Variants in FAM167A observed in about 807,000 individuals in gnomAD.
FAM167A encodes protein FAM167A.
FAM167A carries 23 observed loss-of-function variants against 14.9 expected under a neutral mutation model. That is an observed-to-expected ratio of 1.55 (90% CI 1.11 to 2.19). FAM167A has a LOEUF of 2.19. Ranked by LOEUF, FAM167A falls within the 30% of genes most tolerant of loss-of-function variation. The pLI is 0.00. For missense variants in FAM167A, 401 were observed against 281.5 expected (o/e 1.42, Z -3.04); for synonymous variants, 174 against 117.7 (o/e 1.48, Z -3.10).
chr8:11,431,705 G>A (rs968717773), intron 2 of FAM167A, among the ~76,000 whole-genome samples: 19 of 151,890 alleles, frequency 1.3e-4, no homozygotes, highest in Non-Finnish European at 1.6e-4. Flanking sequence ...TGCAGCAAGC[G>A]TGGCCGCAGG....
At chr8:11,473,003 G>T (rs548942576) in intron 1 of FAM167A, among the ~76,000 whole-genome samples, 1 of 152,328 alleles carries the variant, frequency 6.6e-6, no homozygotes, top group African/African-American at 2.4e-5. Context: ...GCCAGCCCAG[G>T]ATGTTCAGGA....
intron 1 of FAM167A, among the ~76,000 whole-genome samples, chr8:11,473,207 C>T (rs1349878295): frequency 1.3e-5 from 2 of 152,204 alleles, no homozygotes; most frequent in African/African-American, 2.4e-5. Context: ...CACAGGGGCT[C>T]ATTTCATCTC....
intron 1 of FAM167A, among the ~76,000 whole-genome samples, chr8:11,452,420 C>A (rs1807063771): frequency 6.6e-6 from 1 of 152,216 alleles, no homozygotes; most frequent in South Asian, 2.1e-4. Context: ...GTCTGGTGAG[C>A]TGTGCTCTTT....
chr8:11,446,564 G>A (rs1015907603), intron 1 of FAM167A: 3 of 152,182 alleles, frequency 2.0e-5, no homozygotes, highest in Admixed American at 6.5e-5. Flanking sequence ...CACTAGAGTT[G>A]GGATCAGATG....
intron 2 of FAM167A, among the ~76,000 whole-genome samples, chr8:11,424,959 A>T (rs1805032904): frequency 1.3e-5 from 2 of 152,124 alleles, no homozygotes; most frequent in Non-Finnish European, 2.9e-5. Context: ...TAAGAGTATA[A>T]AGGAAAACAT....
intron 1 of FAM167A, among the ~76,000 whole-genome samples, chr8:11,466,259 G>A (rs1240577285): frequency 6.6e-6 from 1 of 152,218 alleles, no homozygotes; most frequent in African/African-American, 2.4e-5. Flanking sequence ...GCTGGGCTTG[G>A]AGGTCACCAG....
Position 11,444,685 on chromosome 8 carries a change from C to T in FAM167A, c.-274G>A, listed in dbSNP as rs553480535. 40 of 1,223,622 alleles carry T rather than the reference C, an allele frequency of 3.3e-5. No homozygotes were observed. The highest frequency in any genetic ancestry group is 6.2e-5 in the African/African-American group (4 of 64,014). The allele number at this position is 1,223,622 out of a possible 1,614,324, so 75.8% of individuals were successfully genotyped here. A position where few individuals can be genotyped will look rare whatever the true frequency, so the allele number is the denominator to read the frequency against. On this transcript the variant is annotated 5_prime_UTR_variant, in exon 2 of 3. Coordinates refer to ENST00000284486, the MANE Select transcript of FAM167A (RefSeq NM_053279.3). ...CTCCACAGAAGGCAGGAACAGACAG[C>T]GTCGCAGGAATCTCGGGGCAGCCTG...
Position 11,424,049 on chromosome 8 carries a change from C to T in FAM167A, c.*324G>A. 1 of 283,694 alleles carries T rather than the reference C, an allele frequency of 3.5e-6. No individual in the cohort carries two copies. The highest frequency in any genetic ancestry group is 6.9e-5 in the East Asian group (1 of 14,498). The allele number at this position is 283,694 out of a possible 1,614,324, so 17.6% of individuals were successfully genotyped here. A position where few individuals can be genotyped will look rare whatever the true frequency, so the allele number is the denominator to read the frequency against. ...CTTTGGGAATCCCAGTTCATAGCAC[C>T]AGTGATTCCAGGAAACAGGAACGTG... On this transcript the variant is annotated 3_prime_UTR_variant, in exon 3 of 3. Coordinates refer to ENST00000284486, the MANE Select transcript of FAM167A (RefSeq NM_053279.3).
intron 1 of FAM167A, among the ~76,000 whole-genome samples, chr8:11,451,336 C>A (rs1807019444): frequency 6.6e-6 from 1 of 152,260 alleles, no homozygotes; most frequent in Admixed American, 6.5e-5. Flanking sequence ...TGGGAAGCCA[C>A]CCGCCCTGCC....
intron 2 of FAM167A, among the ~76,000 whole-genome samples, chr8:11,427,328 CTG>C (rs1805243502): frequency 6.6e-6 from 1 of 152,228 alleles, no homozygotes; most frequent in Non-Finnish European, 1.5e-5. Context: ...TACATAGGGA[CTG>C]GCTTAGTGCA....
rs940764337 is a variant in FAM167A at position 11,422,541 on chromosome 8, T to C, written c.*1832A>G. ...ATGGTCCTCAGGCCTGCAGACTTCATTGCACAGAGCATGGCAGACAGTAGA... is the reference window on the plus strand; with the variant it reads ...ATGGTCCTCAGGCCTGCAGACTTCACTGCACAGAGCATGGCAGACAGTAGA... On this transcript the variant is annotated 3_prime_UTR_variant, in exon 3 of 3. Transcript: ENST00000284486. The C allele has an allele frequency of 6.5e-6, 1 of 152,676 alleles. No individual in the cohort carries two copies. Among genetic ancestry groups the C allele is most frequent in the Non-Finnish European group, 1.5e-5 (1 of 68,054 alleles). 9.5% of individuals were successfully genotyped at this position (152,676 alleles called of 1,614,324 possible). A position where few individuals can be genotyped will look rare whatever the true frequency, so the allele number is the denominator to read the frequency against.
chr8:11,446,875 G>A (rs752943467), intron 1 of FAM167A, among the ~76,000 whole-genome samples: 1 of 152,228 alleles, frequency 6.6e-6, no homozygotes, highest in Non-Finnish European at 1.5e-5. Context: ...CATGTCTGGG[G>A]CAGCTGCACC....
At chr8:11,445,369 C>G in intron 1 of FAM167A, 1 of 986,136 alleles carries the variant, frequency 1.0e-6, no homozygotes, top group Non-Finnish European at 1.2e-6. Context: ...GTTTCTACAT[C>G]CAGGTCTTAC....
At chr8:11,429,858 C>G (rs1805453799) in intron 2 of FAM167A, among the ~76,000 whole-genome samples, 1 of 152,232 alleles carries the variant, frequency 6.6e-6, no homozygotes, top group African/African-American at 2.4e-5. Context: ...GAGATAAGGC[C>G]TCTTCTCATC....
intron 1 of FAM167A, among the ~76,000 whole-genome samples, chr8:11,463,295 G>A (rs1248324189): frequency 6.6e-6 from 1 of 152,216 alleles, no homozygotes; most frequent in African/African-American, 2.4e-5. Context: ...GCCTGGCATG[G>A]GACTTCCAGG....
rs146992974 is a variant in FAM167A at position 11,447,183 on chromosome 8, C to CTTTTCTTTTT, written c.-397-2376_-397-2375insAAAAAGAAAA. Among the ~76,000 whole-genome samples the CTTTTCTTTTT allele has an allele frequency of 4.6e-4, 67 of 147,020 alleles. 8 individuals are homozygous for CTTTTCTTTTT. Among genetic ancestry groups the CTTTTCTTTTT allele is most frequent in the East Asian group, 8.0e-4 (4 of 4,990 alleles). On this transcript the variant is annotated intron_variant, in intron 1 of 2. Transcript: ENST00000284486. ...TTTATTTCAATTATTGGTTTCTTTT[C>CTTTTCTTTTT]TTTTTCTTTTTTTTGAGACGGAGTT...
At chr8:11,437,933 C>T (rs112803918) in intron 2 of FAM167A, 15 of 244,658 alleles carry the variant, frequency 6.1e-5, no homozygotes, top group East Asian at 2.5e-4. Context: ...CCACTCAGCA[C>T]GGCCCTCAGC....
intron 2 of FAM167A, among the ~76,000 whole-genome samples, chr8:11,437,267 T>C (rs779972014): frequency 5.3e-5 from 8 of 152,160 alleles, no homozygotes; most frequent in South Asian, 4.1e-4. Context: ...ATCTGTGAAA[T>C]GGGGATAGTA....
chr8:11,460,429 A>G lies in FAM167A; in HGVS notation c.-398+6197T>C, dbSNP rs554711338. ...CCTGACACATGCAGAGTCAGCCCAC[A>G]GCAGCAGGTAGTGGGACCACCATGT... On this transcript the variant is annotated intron_variant, in intron 1 of 2. Coordinates refer to ENST00000284486, the MANE Select transcript of FAM167A (RefSeq NM_053279.3). Among the ~76,000 whole-genome samples the G allele has an allele frequency of 1.6e-3, 240 of 152,272 alleles. 2 individuals are homozygous for G. The highest frequency in any genetic ancestry group is 5.5e-3 in the African/African-American group (230 of 41,560).
Sources: allele counts gnomAD v4.1 joint callset (sites outside exome capture counted in the v4.1 genomes callset), GRCh38; gene constraint gnomAD v4.1.1; transcripts MANE v1.5; gene names NCBI Gene and HGNC (gene_info 2026-07-23, HGNC 2026-07-21).